The following KIAA0586 variants were observed in gnomAD, a reference collection of about 807,000 sequenced individuals.
KIAA0586 encodes the protein protein TALPID3.
KIAA0586 carries 144 observed loss-of-function variants against 169.8 expected under a neutral mutation model. That is an observed-to-expected ratio of 0.85 (90% CI 0.74 to 0.97). The LOEUF (loss-of-function observed/expected upper bound fraction) is 0.97. Ranked by LOEUF, KIAA0586 falls within the 50% of genes least tolerant of loss-of-function variation. KIAA0586 has a pLI of 0.00. For synonymous variants in KIAA0586, 625 were observed against 612.4 expected (o/e 1.02, Z -0.30); for missense variants, 1,854 against 1,823.0 (o/e 1.02, Z -0.31).
intron 15 of KIAA0586, among the ~76,000 whole-genome samples, chr14:58,466,298 G>T (rs566797397): frequency 1.7e-4 from 26 of 152,244 alleles, no homozygotes; most frequent in African/African-American, 6.0e-4. Flanking sequence ...TCTTGTAAAT[G>T]TTATTTGTTT....
At chr14:58,527,801 A>G (rs988652390) in intron 29 of KIAA0586, among the ~76,000 whole-genome samples, 1 of 152,198 alleles carries the variant, frequency 6.6e-6, no homozygotes, top group Non-Finnish European at 1.5e-5. Context: ...GCGTCAACTA[A>G]TGGGCAAAAT....
chr14:58,538,261 T>G (rs1451568294), intron 29 of KIAA0586, among the ~76,000 whole-genome samples: 1 of 152,228 alleles, frequency 6.6e-6, no homozygotes, highest in Non-Finnish European at 1.5e-5. Context: ...ACTCTTGTCC[T>G]TATAAAACAT....
chr14:58,556,118 T>C (rs1406065894), downstream of KIAA0586, among the ~76,000 whole-genome samples: 8 of 152,236 alleles, frequency 5.3e-5, no homozygotes, highest in Non-Finnish European at 1.2e-4. Flanking sequence ...CCACTTTGTT[T>C]CTTTAACATC....
intron 4 of KIAA0586, chr14:58,440,222 A>G (rs2038200323): frequency 9.0e-6 from 4 of 443,232 alleles, no homozygotes; most frequent in Admixed American, 2.5e-5. Flanking sequence ...GAACATTTTA[A>G]TAAACTGAGT....
rs2047078809 is a variant in KIAA0586, at chr14:58,547,855, C to T, written c.4570C>T (p.Leu1524Phe). 3.1e-6 allele frequency: 5 copies of T among 1,613,716 alleles called. No homozygotes were observed. Among genetic ancestry groups the T allele is most frequent in the Non-Finnish European group, 4.2e-6 (5 of 1,179,712 alleles). Reference protein sequence around the residue: ...KMSVMLPSVNLEDCSQSLSLS... With the variant: ...KMSVMLPSVNFEDCSQSLSLS... ...GTCAGTGATGCTGCCGTCAGTGAAC[C>T]TCGAGGACTGCTCTCAGTCTCTGAG... Residue 1524 changes from leucine to phenylalanine, a missense_variant, in exon 31 of 31, where the codon CTC (leucine) becomes TTC (phenylalanine). By Grantham distance (22) the Leu-to-Phe change is conservative. Transcript: ENST00000652326.
chr14:58,524,753 A>C (rs2045462870), intron 29 of KIAA0586, among the ~76,000 whole-genome samples: 1 of 152,222 alleles, frequency 6.6e-6, no homozygotes, highest in African/African-American at 2.4e-5. Context: ...CTAGAACCTG[A>C]CATATATTAA....
chr14:58,527,039 C>T (rs1874939375), intron 29 of KIAA0586, among the ~76,000 whole-genome samples: 1 of 151,968 alleles, frequency 6.6e-6, no homozygotes, highest in Non-Finnish European at 1.5e-5. Context: ...AAACACAGCT[C>T]CAGAACTTTG....
In KIAA0586 at chr14:58,461,027, T is replaced by C; in HGVS notation, c.1926T>C (p.Tyr642=). 1 of 1,611,086 alleles carries C rather than the reference T, an allele frequency of 6.2e-7. No homozygotes were observed. The highest frequency in any genetic ancestry group is 1.1e-5 in the South Asian group (1 of 90,640). Residue 642 remains tyrosine (Y), a synonymous_variant, in exon 14 of 31, where the codon TAT becomes TAC. Transcript: ENST00000652326. The part of the protein sequence containing the change: ...KATTVIQDED[Y]MLQVYGKPVY... ...CCACAGTAATACAAGATGAAGATTATATGTTACAAGTCTATGGAAAGCCAG... is the reference window on the plus strand; with the variant it reads ...CCACAGTAATACAAGATGAAGATTACATGTTACAAGTCTATGGAAAGCCAG...
Position 58,457,998 on chromosome 14 carries a change from C to T in KIAA0586, c.1583+19C>T, listed in dbSNP as rs750975224. On this transcript the variant is annotated intron_variant, in intron 11 of 30. Coordinates refer to ENST00000652326, the MANE Select transcript of KIAA0586 (RefSeq NM_001329943.3). ...CCAACAGGTAAGAGGATGTTGGCAT[C>T]CAGGGTTATTTATGAGTCTGTCAGT... 6.7e-7 allele frequency: 1 copy of T among 1,496,314 alleles called. No homozygotes were observed. Among genetic ancestry groups the T allele is most frequent in the Admixed American group, 1.9e-5 (1 of 51,478 alleles). 92.7% of individuals were successfully genotyped at this position (1,496,314 alleles called of 1,614,324 possible).
In KIAA0586 at chr14:58,540,135, A is replaced by C; in HGVS notation, c.4494A>C (p.Ser1498=). The C allele has an allele frequency of 3.9e-6, 6 of 1,535,532 alleles. No homozygotes were observed. Among genetic ancestry groups the C allele is most frequent in the Non-Finnish European group, 5.3e-6 (6 of 1,130,274 alleles). Residue 1498 remains serine, a splice_region_variant and synonymous_variant, in exon 30 of 31, where the codon TCA becomes TCC. Coordinates refer to ENST00000652326, the MANE Select transcript of KIAA0586 (RefSeq NM_001329943.3). Reference sequence around the variant, plus strand: ...ATCCGTACCTCACATGTGTATTTTCAGGTAAGATTTTTACTTTAAAAGTTC... The same window carrying C: ...ATCCGTACCTCACATGTGTATTTTCCGGTAAGATTTTTACTTTAAAAGTTC... ...ELNPYLTCVF[S]GGKAVPLSAS...
At chr14:58,434,200 A>G (rs933404000) in intron 4 of KIAA0586, among the ~76,000 whole-genome samples, 3 of 152,220 alleles carry the variant, frequency 2.0e-5, no homozygotes, top group African/African-American at 7.2e-5. Context: ...AATGCATGTT[A>G]GAAGTAAAAA....
rs747277541 is a variant in KIAA0586 at position 58,450,603 on chromosome 14, C to T, written c.986C>T (p.Thr329Met). 5.1e-5 allele frequency: 82 copies of T among 1,606,580 alleles called. No individual in the cohort carries two copies. Among genetic ancestry groups the T allele is most frequent in the Non-Finnish European group, 6.1e-5 (72 of 1,177,348 alleles). The stretch of plus-strand genomic sequence containing the variant: ...GCACCTTTAAAAGAAGTTGAAGATA[C>T]GAGTTTTGATAAACAGAAATCTCCT... ...KQAPLKEVED[T>M]SFDKQKSPLE... Residue 329 changes from threonine (T) to methionine (M), a missense_variant, in exon 8 of 31, where the codon ACG (threonine) becomes ATG (methionine). Physicochemically the swap from Thr to Met is moderately conservative, Grantham distance 81. Transcript: ENST00000652326.
chr14:58,434,802 G>A (rs1232435962), intron 4 of KIAA0586, among the ~76,000 whole-genome samples: 2 of 151,944 alleles, frequency 1.3e-5, no homozygotes, highest in East Asian at 1.9e-4. Flanking sequence ...ACAGGATCTC[G>A]CTCTGTCACC....
intron 29 of KIAA0586, among the ~76,000 whole-genome samples, chr14:58,531,722 A>G (rs1157244854): frequency 6.6e-6 from 1 of 152,206 alleles, no homozygotes; most frequent in African/African-American, 2.4e-5. Flanking sequence ...TGCTATAAAG[A>G]CACATGCACA....
intron 26 of KIAA0586, among the ~76,000 whole-genome samples, chr14:58,494,679 G>C (rs572907242): frequency 2.0e-5 from 3 of 152,088 alleles, no homozygotes; most frequent in African/African-American, 7.2e-5. Flanking sequence ...TGATTATTGT[G>C]TCTTTAAGCC....
intron 20 of KIAA0586, among the ~76,000 whole-genome samples, chr14:58,478,531 T>C (rs1453138944): frequency 2.0e-5 from 3 of 152,106 alleles, no homozygotes; most frequent in African/African-American, 7.2e-5. Context: ...GGGGTCTTGC[T>C]ATATTGCCCA....
chr14:58,559,115 G>A, the KIAA0586 span, among the ~76,000 whole-genome samples: 1 of 152,188 alleles, frequency 6.6e-6, no homozygotes, highest in Non-Finnish European at 1.5e-5. Context: ...CCAGTATCAG[G>A]GAACTGTTGA....
At chr14:58,448,579 C>A in intron 7 of KIAA0586, 86 bp downstream of exon 7, 2 of 882,998 alleles carry the variant, frequency 2.3e-6, no homozygotes, top group East Asian at 2.9e-5. Context: ...ATTTCCTGAG[C>A]AGTAGGAGTT....
At chr14:58,436,136 G>T (rs1423497212) in intron 4 of KIAA0586, among the ~76,000 whole-genome samples, 1 of 152,142 alleles carries the variant, frequency 6.6e-6, no homozygotes, top group African/African-American at 2.4e-5. Context: ...GGAAGCCTTA[G>T]TTGTAGCAGT....
Sources: gnomAD v4.1 joint callset for allele counts (sites outside exome capture counted in the v4.1 genomes callset) on GRCh38, gnomAD v4.1.1 for gene constraint, MANE v1.5 for transcripts, NCBI Gene and HGNC (gene_info 2026-07-23, HGNC 2026-07-21) for gene names.